Variants in FHOD3 observed in about 807,000 individuals in gnomAD.
FHOD3 encodes the protein formin homology 2 domain containing 3, also known as FH1/FH2 domain-containing protein 3.
FHOD3 carries 90 observed loss-of-function variants against 173.0 expected under a neutral mutation model. The observed-to-expected ratio is 0.52, with a 90% CI of 0.44 to 0.62. The LOEUF is 0.62. FHOD3 is among the 20% of genes least tolerant of loss of function. The pLI, the probability that FHOD3 is intolerant of heterozygous loss-of-function variation, is 0.00. For missense variants in FHOD3, 1,945 were observed against 2,034.7 expected, an observed-to-expected ratio of 0.96 and a Z score of 0.85; for synonymous variants, 828 against 823.0, an observed-to-expected ratio of 1.01 and a Z score of -0.10.
rs567963463 is a variant in FHOD3 at position 36,325,742 on chromosome 18, G to A, written c.165+27742G>A. Among the ~76,000 whole-genome samples, 7 of 152,196 alleles carry A rather than the reference G, an allele frequency of 4.6e-5. No homozygotes were observed. The East Asian group carries it at 1.4e-3, about 29-fold the overall frequency. ...CTTCTTACTCTGTTGCAAAGAGTAA[G>A]AATTTTTGCTAGGCAGCCTGCACCC... On this transcript the variant is annotated intron_variant, in intron 1 of 28. Transcript: ENST00000590592.
Position 36,404,870 on chromosome 18 carries a change from A to G in FHOD3, c.337+32126A>G, listed in dbSNP as rs542090915. On this transcript the variant is annotated intron_variant, in intron 3 of 28. Transcript: ENST00000590592. ...TTTTTTTCAGTCCTTTTGGTTAGCA[A>G]TTACTAGAAGTGTAAAATCAGTTAC... 7.9e-5 allele frequency among the ~76,000 whole-genome samples: 12 copies of G among 152,252 alleles called. No individual in the cohort carries two copies. In the South Asian group the frequency reaches 1.9e-3, roughly 24 times the overall value.
intron 5 of FHOD3, among the ~76,000 whole-genome samples, chr18:36,539,630 G>A (rs1007222045): frequency 6.6e-6 from 1 of 152,202 alleles, no homozygotes; most frequent in African/African-American, 2.4e-5. Flanking sequence ...GCCAAGTTGT[G>A]ATGAAAGAAA....
chr18:36,298,738 C>T (rs766794530), intron 1 of FHOD3, among the ~76,000 whole-genome samples: 280 of 151,116 alleles, frequency 1.9e-3, no homozygotes, highest in Middle Eastern at 0.01. Flanking sequence ...AGAATGGCTG[C>T]TCAGTCTACC....
chr18:36,523,762 C>T (rs1731106393), intron 5 of FHOD3, among the ~76,000 whole-genome samples: 1 of 152,138 alleles, frequency 6.6e-6, no homozygotes, highest in African/African-American at 2.4e-5. Context: ...CCTTCCAGCT[C>T]TAAGATTCTG....
chr18:36,450,470 T>TTA (rs1568287458), intron 3 of FHOD3, among the ~76,000 whole-genome samples: 2 of 127,466 alleles, frequency 1.6e-5, no homozygotes, highest in African/African-American at 8.6e-5. Context: ...TTTATTTATT[T>TTA]ATTTATTTAT....
intron 10 of FHOD3, among the ~76,000 whole-genome samples, chr18:36,629,904 T>A (rs2034388716): frequency 6.6e-6 from 1 of 151,990 alleles, no homozygotes; most frequent in African/African-American, 2.4e-5. Context: ...TTTTTGGTTG[T>A]TATAACTGGG....
At chr18:36,745,303 T>C (rs1033783084) in intron 23 of FHOD3, among the ~76,000 whole-genome samples, 13 of 152,206 alleles carry the variant, frequency 8.5e-5, no homozygotes, top group African/African-American at 1.2e-4. Context: ...AAGCCTTTCC[T>C]ATCTGGACTC....
At chr18:36,757,256 C>T (rs1001033) in intron 25 of FHOD3, among the ~76,000 whole-genome samples, 2,272 of 152,248 alleles carry the variant, frequency 0.015, 46 homozygotes, top group African/African-American at 0.052. Context: ...TCATTCTCAG[C>T]CTAGTCCATG....
At chr18:36,701,317 G>C (rs1304392232) in intron 17 of FHOD3, among the ~76,000 whole-genome samples, 1 of 152,148 alleles carries the variant, frequency 6.6e-6, no homozygotes, top group Admixed American at 6.5e-5. Flanking sequence ...CTTTTACAGA[G>C]AGTTGACATA....
At chr18:36,353,035 C>T (rs1291144568) in intron 1 of FHOD3, among the ~76,000 whole-genome samples, 1 of 152,202 alleles carries the variant, frequency 6.6e-6, no homozygotes, top group African/African-American at 2.4e-5. Context: ...TTCCTGCCTG[C>T]TGCTTCCATA....
At chr18:36,465,419 C>G (rs943276710) in intron 3 of FHOD3, among the ~76,000 whole-genome samples, 1 of 152,148 alleles carries the variant, frequency 6.6e-6, no homozygotes, top group African/African-American at 2.4e-5. Flanking sequence ...CCGAAATGAC[C>G]TGGGCCTGGA....
chr18:36,298,143 C>T (rs1345314756), intron 1 of FHOD3, 143 bp downstream of exon 1: 3 of 714,736 alleles, frequency 4.2e-6, no homozygotes, highest in East Asian at 7.0e-5. Flanking sequence ...GCAAATCCCC[C>T]TCCCCGTTAG....
chr18:36,675,976 A>G (rs1421759864), intron 14 of FHOD3, among the ~76,000 whole-genome samples: 1 of 152,232 alleles, frequency 6.6e-6, no homozygotes, highest in Non-Finnish European at 1.5e-5. Flanking sequence ...GATATTTGAT[A>G]TACAAGTTAA....
At chr18:36,303,768 C>T (rs1026396406) in intron 1 of FHOD3, among the ~76,000 whole-genome samples, 5 of 152,134 alleles carry the variant, frequency 3.3e-5, no homozygotes, top group African/African-American at 1.2e-4. Flanking sequence ...TTGCCTGTGG[C>T]TGGCTTAGAG....
chr18:36,438,440 C>G (rs763569308), intron 3 of FHOD3, among the ~76,000 whole-genome samples: 1 of 152,148 alleles, frequency 6.6e-6, no homozygotes, highest in Non-Finnish European at 1.5e-5. Flanking sequence ...CTGCTTTCTC[C>G]CTCTCTCTTT....
Position 36,755,190 on chromosome 18 carries a change from G to A in FHOD3, c.4304G>A (p.Cys1435Tyr). ...AIREVNINKFCRIISEFALEY... is the reference protein window; with the variant it reads ...AIREVNINKFYRIISEFALEY... ...CGGGAAGTGAACATAAACAAATTCT[G>A]CAGGATTATTAGTGAATTTGCACTA... Residue 1435 changes from cysteine (C) to tyrosine (Y), a missense_variant, in exon 25 of 29, where the codon TGC becomes TAC. Cys to Tyr is a radical substitution (Grantham distance 194). Coordinates refer to ENST00000590592, the MANE Select transcript of FHOD3 (RefSeq NM_001281740.3). 2 of 1,611,456 alleles carry A rather than the reference G, an allele frequency of 1.2e-6. No individual in the cohort carries two copies. Among genetic ancestry groups the A allele is most frequent in the Non-Finnish European group, 1.7e-6 (2 of 1,178,928 alleles).
At chr18:36,509,054 G>A (rs2055471042) in intron 4 of FHOD3, among the ~76,000 whole-genome samples, 1 of 152,150 alleles carries the variant, frequency 6.6e-6, no homozygotes, top group Admixed American at 6.5e-5. Context: ...CCAAGACAGA[G>A]GTACATGTTA....
At position 36,477,544 on chromosome 18, in the gene FHOD3, C is replaced by CCT. The variant is rs2053646720; in HGVS notation, c.338-24388_338-24387insCT. 1.4e-3 allele frequency among the ~76,000 whole-genome samples: 87 copies of CCT among 63,518 alleles called. 1 individual carries two copies. The highest frequency in any genetic ancestry group is 3.1e-3 in the South Asian group (4 of 1,304). 41.7% of individuals were successfully genotyped at this position (63,518 alleles called of 152,430 possible). A position where few individuals can be genotyped will look rare whatever the true frequency, so the allele number is the denominator to read the frequency against. The stretch of plus-strand genomic sequence containing the variant: ...CCATCCATCCACCCACCCACCCACC[C>CCT]ACCTACCTACCTACCTACCTACCTA... On this transcript the variant is annotated intron_variant, in intron 3 of 28. Transcript: ENST00000590592.
At chr18:36,305,247 T>A (rs2144522479) in intron 1 of FHOD3, among the ~76,000 whole-genome samples, 1 of 151,274 alleles carries the variant, frequency 6.6e-6, no homozygotes, top group Admixed American at 6.6e-5. Context: ...AACATCCAAC[T>A]CCTCTTCACC....
Sources: gnomAD v4.1 joint callset for allele counts (sites outside exome capture counted in the v4.1 genomes callset) on GRCh38, gnomAD v4.1.1 for gene constraint, MANE v1.5 for transcripts, NCBI Gene and HGNC (gene_info 2026-07-23, HGNC 2026-07-21) for gene names.